RIC1: variants seen among roughly 807,000 people sequenced by gnomAD.
The protein encoded by RIC1 is RIC1 partner of RAB6A GEF complex.
In RIC1, 88 loss-of-function variants were observed where a neutral mutation model predicts 169.0. That is an observed-to-expected ratio of 0.52 (90% CI 0.44 to 0.62). The LOEUF is 0.62. Among genes scored for constraint, RIC1 ranks in the 20% least tolerant of loss-of-function variants. The pLI is 0.00. For synonymous variants in RIC1, 790 were observed against 601.5 expected (o/e 1.31, Z -4.59); for missense variants, 1,877 against 1,725.5 (o/e 1.09, Z -1.56).
At chr9:5,738,024 C>T (rs1587071632) in intron 7 of RIC1, among the ~76,000 whole-genome samples, 1 of 152,006 alleles carries the variant, frequency 6.6e-6, no homozygotes, top group East Asian at 1.9e-4. Flanking sequence ...CCATGCAGTT[C>T]AGATCCATGT....
intron 3 of RIC1, among the ~76,000 whole-genome samples, chr9:5,701,165 T>A (rs558313331): frequency 2.8e-4 from 43 of 152,380 alleles, no homozygotes; most frequent in African/African-American, 9.6e-4. Flanking sequence ...CTGGCTCTTC[T>A]GTTTGAGACC....
intron 2 of RIC1, among the ~76,000 whole-genome samples, chr9:5,681,272 C>G (rs1820818463): frequency 6.6e-6 from 1 of 152,138 alleles, no homozygotes. Flanking sequence ...AATTTTAGAT[C>G]TTTCCTGCTT....
chr9:5,669,339 T>G (rs907765202), intron 2 of RIC1, among the ~76,000 whole-genome samples: 1 of 152,216 alleles, frequency 6.6e-6, no homozygotes, highest in African/African-American at 2.4e-5. Flanking sequence ...TATGTCTTTG[T>G]GTTCTCACAG....
intron 2 of RIC1, among the ~76,000 whole-genome samples, chr9:5,666,435 T>G (rs1449957995): frequency 1.3e-5 from 2 of 152,204 alleles, no homozygotes; most frequent in East Asian, 3.9e-4. Flanking sequence ...TTGAATTAAG[T>G]GGTAAAAGTG....
At chr9:5,697,056 A>G (rs1426888292) in intron 3 of RIC1, among the ~76,000 whole-genome samples, 1 of 152,182 alleles carries the variant, frequency 6.6e-6, no homozygotes, top group Admixed American at 6.5e-5. Flanking sequence ...AAACCCTAGT[A>G]GTCATTCTTT....
At chr9:5,698,148 C>A (rs1822012979) in intron 3 of RIC1, among the ~76,000 whole-genome samples, 1 of 152,200 alleles carries the variant, frequency 6.6e-6, no homozygotes, top group Non-Finnish European at 1.5e-5. Flanking sequence ...TTGGTATCTC[C>A]TGCACAGAAG....
chr9:5,704,550 A>G (rs1398529504), intron 3 of RIC1, among the ~76,000 whole-genome samples: 3 of 152,244 alleles, frequency 2.0e-5, no homozygotes, highest in East Asian at 1.9e-4. Context: ...TCTTTGAGTT[A>G]TAAGAATTAT....
chr9:5,774,409 G>T lies in RIC1; in HGVS notation c.*163G>T. ...TCTTTCTTGTCTAAGAAATCTTTTT[G>T]ACTCCATAAAAATGTGATATAAAGC... On this transcript the variant is annotated 3_prime_UTR_variant, in exon 26 of 26. Transcript: ENST00000414202. The T allele has an allele frequency of 1.8e-6, 1 of 569,570 alleles. No homozygotes were observed. The highest frequency in any genetic ancestry group is 2.8e-6 in the Non-Finnish European group (1 of 354,210). The allele number at this position is 569,570 out of a possible 1,614,324, so 35.3% of individuals were successfully genotyped here.
chr9:5,726,131 C>G (rs1054462379), intron 6 of RIC1, among the ~76,000 whole-genome samples: 2 of 152,170 alleles, frequency 1.3e-5, no homozygotes, highest in South Asian at 4.1e-4. Flanking sequence ...TCTCTTTGAT[C>G]TGTCTAATGT....
At chr9:5,718,397 A>G (rs1823396036) in intron 4 of RIC1, among the ~76,000 whole-genome samples, 1 of 152,148 alleles carries the variant, frequency 6.6e-6, no homozygotes, top group Non-Finnish European at 1.5e-5. Context: ...AAGTTAATCT[A>G]CCATGAAGAT....
At chr9:5,638,667 G>A (rs531472018) in intron 1 of RIC1, among the ~76,000 whole-genome samples, 10 of 151,950 alleles carry the variant, frequency 6.6e-5, no homozygotes, top group African/African-American at 1.7e-4. Context: ...GAATTTTTGC[G>A]GTATCAATTG....
intron 7 of RIC1, among the ~76,000 whole-genome samples, chr9:5,735,973 T>C (rs1037961401): frequency 4.6e-5 from 7 of 152,228 alleles, no homozygotes; most frequent in Admixed American, 4.6e-4. Flanking sequence ...GTCTTTTTAA[T>C]GAAAATATAT....
intron 6 of RIC1, among the ~76,000 whole-genome samples, chr9:5,730,080 G>T (rs893657282): frequency 6.6e-6 from 1 of 151,998 alleles, no homozygotes; most frequent in South Asian, 2.1e-4. Flanking sequence ...ACTAAATAAG[G>T]TATAGATAGA....
At chr9:5,675,791 C>T (rs1563889317) in intron 2 of RIC1, among the ~76,000 whole-genome samples, 2 of 152,150 alleles carry the variant, frequency 1.3e-5, no homozygotes, top group Admixed American at 6.5e-5. Context: ...TTTCACTAAA[C>T]TCTTCTTCCT....
At chr9:5,749,764 CTTTTTTTTTTTTT>C (rs769556596) in intron 12 of RIC1, among the ~76,000 whole-genome samples, 3 of 36,302 alleles carry the variant, frequency 8.3e-5, no homozygotes, top group East Asian at 1.4e-3. Flanking sequence ...AAAGGCGGTG[CTTTTTTTTTTTTT>C]TTTTTTTTTT....
intron 2 of RIC1, among the ~76,000 whole-genome samples, chr9:5,676,813 T>C (rs1006600988): frequency 6.6e-6 from 1 of 152,232 alleles, no homozygotes; most frequent in Non-Finnish European, 1.5e-5. Context: ...TGTATACTTA[T>C]TTTTTCTAGT....
At chr9:5,691,171 G>C (rs2130717462) in intron 3 of RIC1, among the ~76,000 whole-genome samples, 1 of 151,902 alleles carries the variant, frequency 6.6e-6, no homozygotes, top group East Asian at 1.9e-4. Context: ...ATAAACTTAA[G>C]AACTTGACCA....
At position 5,742,990 on chromosome 9, in the gene RIC1, T is replaced by C. The variant is rs1222170448; in HGVS notation, c.1023T>C (p.Ile341=). The C allele has an allele frequency of 6.2e-7, 1 of 1,610,980 alleles. No individual in the cohort carries two copies. The highest frequency in any genetic ancestry group is 2.2e-5 in the East Asian group (1 of 44,806). Residue 341 remains isoleucine (I), a synonymous_variant, in exon 9 of 26, where the codon ATT becomes ATC. Transcript: ENST00000414202. ...SLWSVFGAQL[I]CTLGGDFAYR... Reference sequence around the variant, plus strand: ...GGAGTGTTTTTGGAGCACAGCTGATTTGTACACTTGGAGGAGATTTTGCGT... The same window carrying C: ...GGAGTGTTTTTGGAGCACAGCTGATCTGTACACTTGGAGGAGATTTTGCGT...
intron 8 of RIC1, among the ~76,000 whole-genome samples, chr9:5,740,453 T>C (rs1450941676): frequency 1.3e-5 from 2 of 151,972 alleles, no homozygotes; most frequent in Non-Finnish European, 2.9e-5. Context: ...ACAGAACTAA[T>C]AGAATAGATA....
Sources: gnomAD v4.1 joint callset for allele counts (sites outside exome capture counted in the v4.1 genomes callset) on GRCh38, gnomAD v4.1.1 for gene constraint, MANE v1.5 for transcripts, NCBI Gene and HGNC (gene_info 2026-07-23, HGNC 2026-07-21) for gene names.